The following COL24A1 variants were observed in gnomAD, a reference collection of about 807,000 sequenced individuals.
COL24A1 encodes the protein collagen type XXIV alpha 1 chain.
In COL24A1, 224 loss-of-function variants were observed where a neutral mutation model predicts 253.9. The ratio of observed to expected loss-of-function variants is 0.88; its 90% CI spans 0.79 to 0.99. COL24A1 has a LOEUF of 0.99. COL24A1 is among the 50% of genes least tolerant of loss of function. The pLI is 0.00. For synonymous variants in COL24A1, 685 were observed against 673.7 expected (o/e 1.02, Z -0.26); for missense variants, 2,131 against 2,068.5 (o/e 1.03, Z -0.59).
chr1:86,061,760 A>G (rs1191433887), intron 8 of COL24A1, among the ~76,000 whole-genome samples: 1 of 152,096 alleles, frequency 6.6e-6, no homozygotes, highest in Admixed American at 6.6e-5. Flanking sequence ...TCATGACTTA[A>G]TTCACTCTGC....
intron 19 of COL24A1, among the ~76,000 whole-genome samples, chr1:85,989,755 T>C (rs1306626174): frequency 1.3e-5 from 2 of 152,176 alleles, no homozygotes; most frequent in Non-Finnish European, 2.9e-5. Flanking sequence ...CTCTTTCAAT[T>C]CTGGGCTTTT....
chr1:85,886,685 T>G (rs1682549055), intron 32 of COL24A1, among the ~76,000 whole-genome samples: 1 of 152,042 alleles, frequency 6.6e-6, no homozygotes, highest in South Asian at 2.1e-4. Context: ...AAAAAAATGG[T>G]TGCTAAATTT....
At chr1:85,761,506 C>A (rs1666845112) in intron 54 of COL24A1, 25 bp downstream of exon 54, 2 of 1,613,842 alleles carry the variant, frequency 1.2e-6, no homozygotes, top group Non-Finnish European at 1.7e-6. Flanking sequence ...CAATGGTAAA[C>A]AGATATAAAT....
In COL24A1 at chr1:85,744,698, T is replaced by C; in HGVS notation, c.4640A>G (p.Asp1547Gly). 1.9e-6 allele frequency: 3 copies of C among 1,609,308 alleles called. No individual in the cohort carries two copies. Among genetic ancestry groups the C allele is most frequent in the Non-Finnish European group, 2.5e-6 (3 of 1,178,370 alleles). The change falls in exon 57 of 60, where the codon GAT (aspartate) becomes GGT (glycine). Residue 1547 changes from aspartate to glycine, a missense_variant. By Grantham distance (94) the Asp-to-Gly change is moderately conservative. Transcript: ENST00000370571. Reference protein sequence around the residue: ...TRDNPARICKDLLNCEQKVSD... With the variant: ...TRDNPARICKGLLNCEQKVSD... ...TACTTTTTGTTCACAGTTAAGTAAATCTTTGCAGATTCGTGCTGGGTTATC... is the reference window on the plus strand; with the variant it reads ...TACTTTTTGTTCACAGTTAAGTAAACCTTTGCAGATTCGTGCTGGGTTATC...
chr1:85,996,767 C>A (rs1404358858), intron 19 of COL24A1, among the ~76,000 whole-genome samples: 2 of 151,962 alleles, frequency 1.3e-5, no homozygotes, highest in Non-Finnish European at 2.9e-5. Flanking sequence ...AAAAAGATTC[C>A]TTGGTTTCAT....
intron 22 of COL24A1, among the ~76,000 whole-genome samples, chr1:85,969,980 T>C (rs547098054): frequency 5.3e-5 from 8 of 152,234 alleles, no homozygotes; most frequent in South Asian, 2.1e-4. Flanking sequence ...TTATAAATAA[T>C]TTGCACAAAT....
chr1:85,810,953 T>C (rs1354582694), intron 47 of COL24A1, among the ~76,000 whole-genome samples: 1 of 152,182 alleles, frequency 6.6e-6, no homozygotes, highest in Non-Finnish European at 1.5e-5. Context: ...CCTGAATTAT[T>C]TCTTGTCTTC....
rs1449291890 is a variant in COL24A1, at chr1:86,112,563, T to C, written c.1599+4A>G. On this transcript the variant is annotated splice_donor_region_variant and intron_variant, in intron 5 of 59. Coordinates refer to ENST00000370571, the MANE Select transcript of COL24A1 (RefSeq NM_152890.7). ...CTTAAGTTGCCTGATTAGTAGTCAC[T>C]TACCTTTGGACCAGGTAATCCAGGT... The C allele has an allele frequency of 2.5e-6, 4 of 1,611,962 alleles. No individual in the cohort carries two copies.
chr1:85,882,352 T>C (rs1288242603), intron 32 of COL24A1, among the ~76,000 whole-genome samples: 1 of 152,064 alleles, frequency 6.6e-6, no homozygotes, highest in African/African-American at 2.4e-5. Flanking sequence ...TAGTCCCAGC[T>C]ACTTGGAGAG....
intron 5 of COL24A1, among the ~76,000 whole-genome samples, chr1:86,100,829 T>A (rs978181934): frequency 1.3e-5 from 2 of 152,120 alleles, no homozygotes; most frequent in African/African-American, 4.8e-5. Flanking sequence ...GGTGGTATGG[T>A]GGGATAGAGC....
intron 19 of COL24A1, among the ~76,000 whole-genome samples, chr1:85,996,776 A>G (rs190985430): frequency 2.0e-5 from 3 of 152,146 alleles, no homozygotes; most frequent in Admixed American, 2.0e-4. Context: ...CCTTGGTTTC[A>G]TAGAATGTAT....
chr1:85,760,782 G>C (rs910176092), intron 55 of COL24A1, among the ~76,000 whole-genome samples: 1 of 152,080 alleles, frequency 6.6e-6, no homozygotes, highest in Non-Finnish European at 1.5e-5. Context: ...CCTTTCATAG[G>C]GAGCAGAAAG....
At chr1:86,094,770 C>T (rs184241074) in intron 5 of COL24A1, among the ~76,000 whole-genome samples, 38 of 151,778 alleles carry the variant, frequency 2.5e-4, no homozygotes, top group Admixed American at 1.7e-3. Context: ...TTGGTGATAT[C>T]TTAATATTTA....
intron 8 of COL24A1, among the ~76,000 whole-genome samples, chr1:86,059,925 C>T (rs933895799): frequency 2.0e-5 from 3 of 152,098 alleles, no homozygotes; most frequent in Non-Finnish European, 2.9e-5. Flanking sequence ...AGAACCTAAC[C>T]GGGCTGGCAT....
At chr1:85,806,655 C>T (rs1202628549) in intron 47 of COL24A1, among the ~76,000 whole-genome samples, 2 of 143,424 alleles carry the variant, frequency 1.4e-5, no homozygotes, top group Admixed American at 1.4e-4. Flanking sequence ...ATGGGCCATA[C>T]AAAAACAGGC....
intron 19 of COL24A1, among the ~76,000 whole-genome samples, chr1:85,991,220 C>T (rs887236883): frequency 1.3e-5 from 2 of 152,126 alleles, no homozygotes; most frequent in Non-Finnish European, 2.9e-5. Context: ...CAGAACTACA[C>T]CATGAGACTA....
intron 55 of COL24A1, among the ~76,000 whole-genome samples, chr1:85,757,974 C>A (rs996680493): frequency 6.6e-6 from 1 of 151,994 alleles, no homozygotes. Flanking sequence ...AAATAGAAAA[C>A]AGAGAATAAA....
rs139444381 is a variant in COL24A1, at chr1:86,064,790, C to T, written c.1708-1031G>A. On this transcript the variant is annotated intron_variant, in intron 7 of 59. Coordinates refer to ENST00000370571, the MANE Select transcript of COL24A1 (RefSeq NM_152890.7). Reference sequence around the variant, plus strand: ...ATTAATGGATTAGAGAAGGGAATGACGCTTTGGTTGAAAAACGTCATTTAG... The same window carrying T: ...ATTAATGGATTAGAGAAGGGAATGATGCTTTGGTTGAAAAACGTCATTTAG... 1.3e-4 allele frequency among the ~76,000 whole-genome samples: 20 copies of T among 152,174 alleles called. No individual in the cohort carries two copies. The East Asian group carries it at 3.1e-3, about 23-fold the overall frequency.
At chr1:86,034,335 T>A (rs1186598768) in intron 12 of COL24A1, among the ~76,000 whole-genome samples, 1 of 152,182 alleles carries the variant, frequency 6.6e-6, no homozygotes, top group Non-Finnish European at 1.5e-5. Flanking sequence ...GCACTTGCCA[T>A]GTGCTAAAGG....
Sources: allele counts gnomAD v4.1 joint callset (sites outside exome capture counted in the v4.1 genomes callset), GRCh38; gene constraint gnomAD v4.1.1; transcripts MANE v1.5; gene names NCBI Gene and HGNC (gene_info 2026-07-23, HGNC 2026-07-21).